NALF1: variants seen among roughly 807,000 people sequenced by gnomAD.
The protein encoded by NALF1 is NALCN channel auxiliary factor 1.
A neutral mutation model predicts 48.4 loss-of-function variants in NALF1; 3 were observed. The ratio of observed to expected loss-of-function variants is 0.06; its 90% confidence interval spans 0.03 to 0.16. NALF1 has a LOEUF of 0.16. NALF1 is among the 10% of genes least tolerant of loss of function. The pLI is 1.00. For missense variants in NALF1, 526 were observed against 571.5 expected (o/e 0.92, Z 0.81); for synonymous variants, 262 against 245.7 (o/e 1.07, Z -0.62).
At chr13:107,403,090 G>A (rs1883836353) in intron 1 of NALF1, among the ~76,000 whole-genome samples, 1 of 147,574 alleles carries the variant, frequency 6.8e-6, no homozygotes, top group African/African-American at 2.5e-5. Flanking sequence ...TTTAGCCTCT[G>A]ACTTGATGGA....
rs1348178912 is a variant in NALF1, at chr13:107,633,401, T to A, written c.915+232281A>T. Among the ~76,000 whole-genome samples the A allele has an allele frequency of 2.6e-5, 4 of 152,056 alleles. No homozygotes were observed. In the East Asian group the frequency reaches 7.7e-4, roughly 29 times the overall value. The stretch of plus-strand genomic sequence containing the variant: ...TCACCAAGACAAGGAATAACTAGAA[T>A]TGATCATTTCTGAGGTCATTTCAAG... On this transcript the variant is annotated intron_variant, in intron 1 of 2. Coordinates refer to ENST00000375915, the MANE Select transcript of NALF1 (RefSeq NM_001080396.3).
At chr13:107,505,320 G>A (rs1478667961) in intron 1 of NALF1, among the ~76,000 whole-genome samples, 1 of 152,218 alleles carries the variant, frequency 6.6e-6, no homozygotes, top group African/African-American at 2.4e-5. Context: ...CAGGCCTGGA[G>A]GGCATGGCAA....
chr13:107,710,546 C>T (rs1875541963), intron 1 of NALF1, among the ~76,000 whole-genome samples: 1 of 149,206 alleles, frequency 6.7e-6, no homozygotes, highest in Non-Finnish European at 1.5e-5. Context: ...TGGCAGAAGG[C>T]AAAGGGGATG....
At chr13:107,258,555 A>G (rs1292042925) in intron 1 of NALF1, among the ~76,000 whole-genome samples, 1 of 152,116 alleles carries the variant, frequency 6.6e-6, no homozygotes, top group Non-Finnish European at 1.5e-5. Flanking sequence ...CCACAACCTA[A>G]CTGTGTAAAT....
chr13:107,778,907 C>T, intron 1 of NALF1, among the ~76,000 whole-genome samples: 1 of 152,158 alleles, frequency 6.6e-6, no homozygotes, highest in East Asian at 1.9e-4. Flanking sequence ...ATGTATTAAC[C>T]ATAAACTATC....
At chr13:107,475,727 G>A (rs1428880611) in intron 1 of NALF1, among the ~76,000 whole-genome samples, 1 of 152,070 alleles carries the variant, frequency 6.6e-6, no homozygotes, top group Non-Finnish European at 1.5e-5. Context: ...GAAATTCTCA[G>A]GGAATTCTTG....
chr13:107,842,251 T>C (rs1880062548), intron 1 of NALF1, among the ~76,000 whole-genome samples: 1 of 152,060 alleles, frequency 6.6e-6, no homozygotes, highest in Non-Finnish European at 1.5e-5. Context: ...CATTTATATG[T>C]ATGAAAATGA....
At chr13:107,288,993 A>C (rs1023733434) in intron 1 of NALF1, among the ~76,000 whole-genome samples, 17 of 131,882 alleles carry the variant, frequency 1.3e-4, no homozygotes, top group Admixed American at 4.7e-4. Context: ...AAACTGTCAA[A>C]GTATGAAAAA....
chr13:107,591,022 T>C (rs991037134), intron 1 of NALF1, among the ~76,000 whole-genome samples: 3 of 152,020 alleles, frequency 2.0e-5, no homozygotes, highest in African/African-American at 7.2e-5. Flanking sequence ...TTATAAAACT[T>C]ACTGATAGAA....
intron 1 of NALF1, among the ~76,000 whole-genome samples, chr13:107,689,555 C>T (rs1425849802): frequency 2.0e-5 from 3 of 151,884 alleles, no homozygotes; most frequent in African/African-American, 7.3e-5. Context: ...TTGTGTGAGC[C>T]TAAATTTGAA....
At chr13:107,239,366 G>A (rs904322192) in intron 1 of NALF1, among the ~76,000 whole-genome samples, 1 of 152,126 alleles carries the variant, frequency 6.6e-6, no homozygotes, top group African/African-American at 2.4e-5. Flanking sequence ...GGTGCTTCAC[G>A]CCAGTCTCTG....
intron 1 of NALF1, among the ~76,000 whole-genome samples, chr13:107,783,610 T>A (rs536172369): frequency 1.3e-5 from 2 of 152,236 alleles, no homozygotes; most frequent in Non-Finnish European, 2.9e-5. Flanking sequence ...CACTCAGGGT[T>A]GAATGGATTA....
intron 1 of NALF1, among the ~76,000 whole-genome samples, chr13:107,500,647 A>G (rs1254207406): frequency 6.6e-6 from 1 of 151,050 alleles, no homozygotes; most frequent in Admixed American, 6.6e-5. Flanking sequence ...ATAAAGACAC[A>G]TGCACACGTA....
intron 1 of NALF1, among the ~76,000 whole-genome samples, chr13:107,801,770 T>C (rs1466185927): frequency 6.6e-6 from 1 of 152,218 alleles, no homozygotes; most frequent in East Asian, 1.9e-4. Flanking sequence ...GAACTAAGTC[T>C]ACTCAGTCGC....
intron 1 of NALF1, among the ~76,000 whole-genome samples, chr13:107,492,208 A>G (rs1157443197): frequency 1.3e-5 from 2 of 151,038 alleles, no homozygotes; most frequent in Admixed American, 1.3e-4. Flanking sequence ...CCACCACCAC[A>G]CCCGGCTAAT....
At chr13:107,611,898 G>C (rs1879231942) in intron 1 of NALF1, among the ~76,000 whole-genome samples, 2 of 150,146 alleles carry the variant, frequency 1.3e-5, no homozygotes, top group Non-Finnish European at 3.0e-5. Flanking sequence ...ACTCCAGCCT[G>C]GATGACACAG....
At chr13:107,392,637 G>T (rs1366612207) in intron 1 of NALF1, among the ~76,000 whole-genome samples, 1 of 152,102 alleles carries the variant, frequency 6.6e-6, no homozygotes, top group East Asian at 1.9e-4. Flanking sequence ...CTTTAGGGGT[G>T]AGGGTGAGAC....
intron 1 of NALF1, among the ~76,000 whole-genome samples, chr13:107,368,340 G>T (rs376937847): frequency 4.2e-5 from 6 of 142,170 alleles, no homozygotes; most frequent in African/African-American, 1.0e-4. Context: ...TTTTTGAGAT[G>T]GAGTCTCACT....
chr13:107,311,753 T>G (rs888682701), intron 1 of NALF1, among the ~76,000 whole-genome samples: 5 of 152,126 alleles, frequency 3.3e-5, no homozygotes, highest in African/African-American at 1.2e-4. Context: ...CATCAACAAG[T>G]TGGCGAAGGA....
Sources: allele counts gnomAD v4.1 joint callset (sites outside exome capture counted in the v4.1 genomes callset), GRCh38; gene constraint gnomAD v4.1.1; transcripts MANE v1.5; gene names NCBI Gene and HGNC (gene_info 2026-07-23, HGNC 2026-07-21).